Variants in MYOM2 observed in about 807,000 individuals in gnomAD.
MYOM2 encodes the protein myomesin 2, also known as myomesin-2.
In MYOM2, 254 loss-of-function variants were observed where a neutral mutation model predicts 187.6. The observed-to-expected ratio is 1.35, with a 90% CI of 1.22 to 1.50. The LOEUF (loss-of-function observed/expected upper bound fraction) is 1.50. Among genes scored for constraint, MYOM2 ranks in the 40% most tolerant of loss-of-function variants. The pLI is 0.00. For missense variants in MYOM2, 2,796 were observed against 1,924.0 expected (o/e 1.45, Z -8.48); for synonymous variants, 981 against 753.8 (o/e 1.30, Z -4.94).
rs201346011 is a variant in MYOM2 at position 2,099,010 on chromosome 8, C to T, written c.2440+27C>T. The T allele has an allele frequency of 3.9e-4, 612 of 1,579,228 alleles. 3 individuals carry two copies. In the African/African-American group the frequency reaches 7.6e-3, roughly 20 times the overall value. On this transcript the variant is annotated intron_variant, in intron 19 of 36. Coordinates refer to ENST00000262113, the MANE Select transcript of MYOM2 (RefSeq NM_003970.4). ...TGAGTCGCTGCCCCCAGGACACCCGCGTTCCAGCGCACAGGCTGGCTGGGA... is the reference window on the plus strand; with the variant it reads ...TGAGTCGCTGCCCCCAGGACACCCGTGTTCCAGCGCACAGGCTGGCTGGGA...
chr8:2,077,323 CAAAACAA>C (rs1250109907), intron 11 of MYOM2, among the ~76,000 whole-genome samples: 3 of 151,506 alleles, frequency 2.0e-5, no homozygotes, highest in Admixed American at 6.6e-5. Context: ...AAAAACAAAA[CAAAACAA>C]AAAACAAAAA....
rs531087582 is a variant in MYOM2, at chr8:2,096,012, G to C, written c.2126-235G>C. On this transcript the variant is annotated intron_variant, in intron 17 of 36. Coordinates refer to ENST00000262113, the MANE Select transcript of MYOM2 (RefSeq NM_003970.4). ...ATGGAAGCCTTAGTAGATACACTTAGAAATAGCAATACATATATATGAGAT... is the reference window on the plus strand; with the variant it reads ...ATGGAAGCCTTAGTAGATACACTTACAAATAGCAATACATATATATGAGAT... Among the ~76,000 whole-genome samples, 6 of 152,270 alleles carry C rather than the reference G, an allele frequency of 3.9e-5. No homozygotes were observed. In the South Asian group the frequency reaches 1.2e-3, roughly 32 times the overall value.
intron 19 of MYOM2, among the ~76,000 whole-genome samples, chr8:2,100,215 G>A (rs1422461692): frequency 3.1e-5 from 4 of 130,178 alleles, no homozygotes; most frequent in African/African-American, 1.2e-4. Flanking sequence ...CTTCTTTCCT[G>A]CCTTCCTACC....
chr8:2,094,297 C>G (rs545127771), intron 17 of MYOM2, among the ~76,000 whole-genome samples: 42 of 152,198 alleles, frequency 2.8e-4, no homozygotes, highest in South Asian at 1.5e-3. Flanking sequence ...TGATAATACA[C>G]TAATAAAACG....
At chr8:2,105,390 C>T (rs1414303106) in intron 21 of MYOM2, among the ~76,000 whole-genome samples, 2 of 152,198 alleles carry the variant, frequency 1.3e-5, no homozygotes, top group African/African-American at 4.8e-5. Context: ...ATTCCTACGA[C>T]ATAGATTCTG....
chr8:2,122,103 A>T (rs1005087639), intron 28 of MYOM2, among the ~76,000 whole-genome samples: 8 of 152,246 alleles, frequency 5.3e-5, no homozygotes, highest in Admixed American at 5.2e-4. Context: ...TTTGAAGAAG[A>T]GATGAAGAGA....
chr8:2,138,798 C>G (rs907116523), intron 32 of MYOM2, among the ~76,000 whole-genome samples: 6 of 152,196 alleles, frequency 3.9e-5, no homozygotes, highest in African/African-American at 1.2e-4. Flanking sequence ...CCTCCCTTCT[C>G]TGTCCGGGAT....
chr8:2,127,140 G>C (rs746259473), intron 31 of MYOM2, among the ~76,000 whole-genome samples: 13 of 152,044 alleles, frequency 8.6e-5, no homozygotes, highest in African/African-American at 2.4e-4. Flanking sequence ...CAGAGGGAAG[G>C]GGGGTCGGGT....
At chr8:2,123,762 G>GTT (rs1797540066) in intron 30 of MYOM2, 120 bp downstream of exon 30, 3 of 815,408 alleles carry the variant, frequency 3.7e-6, no homozygotes, top group Non-Finnish European at 3.9e-6. Context: ...GTCTTTAGCA[G>GTT]TAACACTGTA....
At chr8:2,139,062 G>T (rs972985562) in intron 32 of MYOM2, among the ~76,000 whole-genome samples, 2 of 70,072 alleles carry the variant, frequency 2.9e-5, no homozygotes, top group East Asian at 6.9e-4. Context: ...GACACACACT[G>T]CCAGCACCAC....
chr8:2,092,530 C>T lies in MYOM2; in HGVS notation c.2003+10C>T. 6.2e-7 allele frequency: 1 copy of T among 1,612,912 alleles called. No homozygotes were observed. The highest frequency in any genetic ancestry group is 8.5e-7 in the Non-Finnish European group (1 of 1,179,494). On this transcript the variant is annotated intron_variant, in intron 16 of 36. Coordinates refer to ENST00000262113, the MANE Select transcript of MYOM2 (RefSeq NM_003970.4). ...CCATCGGATACAACAGGTGCGGCCT[C>T]CCTCCCCAGCCCTGGAGTCAGCCTT...
chr8:2,071,121 C>G (rs1819199209), intron 8 of MYOM2, among the ~76,000 whole-genome samples: 1 of 152,022 alleles, frequency 6.6e-6, no homozygotes, highest in Non-Finnish European at 1.5e-5. Flanking sequence ...GCGTGTGTCA[C>G]CAAACCCGGC....
At chr8:2,074,229 G>A (rs1193574835) in intron 10 of MYOM2, among the ~76,000 whole-genome samples, 1 of 152,190 alleles carries the variant, frequency 6.6e-6, no homozygotes, top group African/African-American at 2.4e-5. Context: ...AAACATCCAT[G>A]TATATATAAG....
Position 2,144,954 on chromosome 8 carries a change from C to T in MYOM2, c.4371C>T (p.Pro1457=), listed in dbSNP as rs542232441. The change falls in exon 37 of 37, where the codon CCC becomes CCT. Residue 1457 remains proline, a synonymous_variant. Coordinates refer to ENST00000262113, the MANE Select transcript of MYOM2 (RefSeq NM_003970.4). The part of the protein sequence containing the change: ...PPQQAKPKLI[P]ASASAAGQ ...AGCAAGCCAAGCCCAAGCTCATCCC[C>T]GCGTCTGCCTCAGCGGCAGGCCAGT... is the stretch of plus-strand genomic sequence containing the variant. The T allele has an allele frequency of 4.7e-5, 76 of 1,614,136 alleles. 3 individuals carry two copies. Among genetic ancestry groups the T allele is most frequent in the South Asian group, 4.5e-4 (41 of 91,076 alleles).
chr8:2,068,062 G>C (rs1157848222), intron 6 of MYOM2, among the ~76,000 whole-genome samples: 1 of 152,172 alleles, frequency 6.6e-6, no homozygotes, highest in Non-Finnish European at 1.5e-5. Flanking sequence ...TTTCATCCCA[G>C]GATTCTCATC....
At chr8:2,127,427 C>G (rs1484587799) in intron 31 of MYOM2, among the ~76,000 whole-genome samples, 2 of 152,228 alleles carry the variant, frequency 1.3e-5, no homozygotes, top group Non-Finnish European at 2.9e-5. Context: ...TTCCCTAGAC[C>G]TCATGCCCCT....
At chr8:2,073,143 G>C (rs565412053) in intron 9 of MYOM2, among the ~76,000 whole-genome samples, 196 bp from the exon 10 acceptor site, 1 of 152,194 alleles carries the variant, frequency 6.6e-6, no homozygotes, top group Admixed American at 6.5e-5. Flanking sequence ...CTGTGTTCTG[G>C]GCTGTGGGTG....
At chr8:2,120,815 T>C (rs1797428021) in intron 28 of MYOM2, among the ~76,000 whole-genome samples, 1 of 148,662 alleles carries the variant, frequency 6.7e-6, no homozygotes, top group Non-Finnish European at 1.5e-5. Context: ...ACATTATATA[T>C]ATATTAGTGA....
rs751393400 is a variant in MYOM2 at position 2,145,338 on chromosome 8, T to C, written c.*357T>C. ...GGTCTGTGTGAAGCCACCGTGCTTCTCTTTGGGGGGCCGCGAGATCTAGCA... is the reference window on the plus strand; with the variant it reads ...GGTCTGTGTGAAGCCACCGTGCTTCCCTTTGGGGGGCCGCGAGATCTAGCA... On this transcript the variant is annotated 3_prime_UTR_variant, in exon 37 of 37. Transcript: ENST00000262113. The C allele has an allele frequency of 2.9e-5, 10 of 343,244 alleles. No individual in the cohort carries two copies. The highest frequency in any genetic ancestry group is 4.7e-5 in the Non-Finnish European group (9 of 191,730). The allele number at this position is 343,244 out of a possible 1,614,324, so 21.3% of individuals were successfully genotyped here. A position where few individuals can be genotyped will look rare whatever the true frequency, so the allele number is the denominator to read the frequency against.
Sources: gnomAD v4.1 joint callset for allele counts (sites outside exome capture counted in the v4.1 genomes callset) on GRCh38, gnomAD v4.1.1 for gene constraint, MANE v1.5 for transcripts, NCBI Gene and HGNC (gene_info 2026-07-23, HGNC 2026-07-21) for gene names.